ARNT2: variants seen among roughly 807,000 people sequenced by gnomAD.
The protein encoded by ARNT2 is aryl hydrocarbon receptor nuclear translocator 2, also known as ARNT protein 2.
In ARNT2, 36 loss-of-function variants were observed where a neutral mutation model predicts 91.7. The ratio of observed to expected loss-of-function variants is 0.39; its 90% confidence interval spans 0.30 to 0.52. ARNT2 has a LOEUF of 0.52. Among genes scored for constraint, ARNT2 ranks in the 20% least tolerant of loss-of-function variants. The pLI is 0.72. For synonymous variants in ARNT2, 365 were observed against 347.1 expected (o/e 1.05, Z -0.57); for missense variants, 775 against 939.3 (o/e 0.83, Z 2.29).
At chr15:80,470,454 A>G (rs1279967321) in intron 4 of ARNT2, 23 bp downstream of exon 4, 1 of 1,608,024 alleles carries the variant, frequency 6.2e-7, no homozygotes. Context: ...TCACATCACC[A>G]TTGGAAAGCG....
chr15:80,468,424 G>C (rs535346554), intron 3 of ARNT2, among the ~76,000 whole-genome samples: 24 of 151,912 alleles, frequency 1.6e-4, no homozygotes, highest in African/African-American at 5.8e-4. Context: ...CTTGCTCCTC[G>C]GCCCCTCTAC....
At chr15:80,418,269 C>T (rs1404923224) in intron 1 of ARNT2, among the ~76,000 whole-genome samples, 1 of 152,206 alleles carries the variant, frequency 6.6e-6, no homozygotes, top group East Asian at 1.9e-4. Flanking sequence ...TGTCCCTGCT[C>T]TGGGCATTCC....
chr15:80,435,104 C>T (rs1298116210), intron 1 of ARNT2, among the ~76,000 whole-genome samples: 1 of 152,138 alleles, frequency 6.6e-6, no homozygotes, highest in African/African-American at 2.4e-5. Flanking sequence ...CCAGGGAGCT[C>T]CCCAATCCCT....
intron 5 of ARNT2, among the ~76,000 whole-genome samples, chr15:80,496,790 C>T (rs1480863034): frequency 6.6e-6 from 1 of 152,128 alleles, no homozygotes; most frequent in East Asian, 1.9e-4. Flanking sequence ...TAGAGAAAAG[C>T]ATTAGTTCTA....
intron 5 of ARNT2, among the ~76,000 whole-genome samples, chr15:80,490,692 G>A (rs1897043510): frequency 6.6e-6 from 1 of 152,226 alleles, no homozygotes; most frequent in South Asian, 2.1e-4. Context: ...TTGGCCACCA[G>A]GTCTTCACAG....
At chr15:80,579,213 G>A (rs1397679810) in intron 15 of ARNT2, among the ~76,000 whole-genome samples, 1 of 152,166 alleles carries the variant, frequency 6.6e-6, no homozygotes, top group Non-Finnish European at 1.5e-5. Context: ...TGGGGGCTGT[G>A]GAGAGGGTCC....
intron 1 of ARNT2, among the ~76,000 whole-genome samples, chr15:80,435,210 A>G (rs1193234224): frequency 1.3e-5 from 2 of 152,178 alleles, no homozygotes; most frequent in African/African-American, 4.8e-5. Flanking sequence ...TTTCTCAGCC[A>G]GGACACCCCA....
chr15:80,505,282 A>G (rs28563125), intron 5 of ARNT2, among the ~76,000 whole-genome samples: 7,404 of 152,300 alleles, frequency 0.049, 424 homozygotes, highest in African/African-American at 0.14. Context: ...TGGTAGCAGT[A>G]CAGAGGCTGG....
In ARNT2 at chr15:80,563,289, G is replaced by C. The variant is rs778742835; in HGVS notation, c.1316+50G>C. On this transcript the variant is annotated intron_variant, in intron 12 of 18. Coordinates refer to ENST00000303329, the MANE Select transcript of ARNT2 (RefSeq NM_014862.4). Reference sequence around the variant, plus strand: ...CCTGGAATCCACATGCGCTTGCTTGGGTCCAGAGCTGGCAATTTTATTTGG... The same window carrying C: ...CCTGGAATCCACATGCGCTTGCTTGCGTCCAGAGCTGGCAATTTTATTTGG... The C allele has an allele frequency of 1.9e-6, 3 of 1,605,780 alleles. No homozygotes were observed. In the South Asian group the frequency reaches 3.3e-5, roughly 18 times the overall value.
intron 8 of ARNT2, among the ~76,000 whole-genome samples, chr15:80,517,542 T>C: frequency 6.6e-6 from 1 of 152,132 alleles, no homozygotes; most frequent in East Asian, 1.9e-4. Flanking sequence ...AAATATCTCT[T>C]CTGCTCCATT....
chr15:80,517,380 C>T (rs556585994), intron 8 of ARNT2, among the ~76,000 whole-genome samples: 1 of 152,158 alleles, frequency 6.6e-6, no homozygotes, highest in African/African-American at 2.4e-5. Flanking sequence ...AAGAGTGTCT[C>T]TTTATGTTTG....
At chr15:80,564,296 C>T (rs1898431866) in intron 12 of ARNT2, among the ~76,000 whole-genome samples, 1 of 152,148 alleles carries the variant, frequency 6.6e-6, no homozygotes, top group Non-Finnish European at 1.5e-5. Context: ...CTGAAGCCTC[C>T]AGGCGGTCAC....
In ARNT2 at chr15:80,521,297, CT is replaced by C. The variant is rs945181627; in HGVS notation, c.877+6901del. Among the ~76,000 whole-genome samples the C allele has an allele frequency of 3.7e-3, 565 of 151,472 alleles. 5 individuals are homozygous for C. The highest frequency in any genetic ancestry group is 0.013 in the African/African-American group (540 of 41,308). On this transcript the variant is annotated intron_variant, in intron 8 of 18. Coordinates refer to ENST00000303329, the MANE Select transcript of ARNT2 (RefSeq NM_014862.4). ...AAATGAGTGCTGGCAGCAAGTTACA[CT>C]TTTTTTTTCTAAACAGGAGAAGAGT...
intron 8 of ARNT2, among the ~76,000 whole-genome samples, chr15:80,529,487 T>G (rs1263209265): frequency 1.3e-5 from 2 of 152,058 alleles, no homozygotes; most frequent in African/African-American, 4.8e-5. Context: ...TTATTTTTTT[T>G]CTAGATAGCC....
intron 8 of ARNT2, among the ~76,000 whole-genome samples, chr15:80,523,604 G>T (rs932248656): frequency 6.6e-6 from 1 of 152,124 alleles, no homozygotes; most frequent in Non-Finnish European, 1.5e-5. Flanking sequence ...CCTGCTTCTA[G>T]TCTCAAAGTG....
At chr15:80,531,807 T>TC (rs1438430752) in intron 8 of ARNT2, among the ~76,000 whole-genome samples, 1 of 152,178 alleles carries the variant, frequency 6.6e-6, no homozygotes, top group African/African-American at 2.4e-5. Context: ...GCATGATCAG[T>TC]CCAGCCTGCC....
chr15:80,418,149 G>A (rs1187313561), intron 1 of ARNT2, among the ~76,000 whole-genome samples: 3 of 152,144 alleles, frequency 2.0e-5, no homozygotes, highest in Non-Finnish European at 4.4e-5. Flanking sequence ...GTGAAAAGTT[G>A]GGGAGGAAAA....
In ARNT2 at chr15:80,597,034, G is replaced by A. The variant is rs528464383; in HGVS notation, c.*3336G>A. 4.1e-5 allele frequency: 18 copies of A among 435,280 alleles called. No homozygotes were observed. Among genetic ancestry groups the A allele is most frequent in the Middle Eastern group, 5.9e-4 (1 of 1,698 alleles). 27.0% of individuals were successfully genotyped at this position (435,280 alleles called of 1,614,324 possible). A position where few individuals can be genotyped will look rare whatever the true frequency, so the allele number is the denominator to read the frequency against. On this transcript the variant is annotated 3_prime_UTR_variant, in exon 19 of 19. Coordinates refer to ENST00000303329, the MANE Select transcript of ARNT2 (RefSeq NM_014862.4). Reference sequence around the variant, plus strand: ...CTACACTGTTGTTATTTCATGAGACGTGAATGTTGCAGAGAGTGGGGGGAT... The same window carrying A: ...CTACACTGTTGTTATTTCATGAGACATGAATGTTGCAGAGAGTGGGGGGAT...
At chr15:80,587,493 G>A (rs2141486164) in intron 17 of ARNT2, among the ~76,000 whole-genome samples, 1 of 152,274 alleles carries the variant, frequency 6.6e-6, no homozygotes, top group East Asian at 1.9e-4. Flanking sequence ...GACTTCAAGT[G>A]AGCCTTAAGT....
Sources: allele counts gnomAD v4.1 joint callset (sites outside exome capture counted in the v4.1 genomes callset), GRCh38; gene constraint gnomAD v4.1.1; transcripts MANE v1.5; gene names NCBI Gene and HGNC (gene_info 2026-07-23, HGNC 2026-07-21).